GBE1: variants seen among roughly 807,000 people sequenced by gnomAD.
GBE1 encodes 1,4-alpha-glucan-branching enzyme.
GBE1 carries 70 observed loss-of-function variants against 88.8 expected under a neutral mutation model. The ratio of observed to expected loss-of-function variants is 0.79; its 90% CI spans 0.65 to 0.96. GBE1 has a LOEUF of 0.96. Among genes scored for constraint, GBE1 ranks in the 40% least tolerant of loss-of-function variants. GBE1 has a pLI of 0.00. For synonymous variants in GBE1, 284 were observed against 300.1 expected, an observed-to-expected ratio of 0.95 and a Z score of 0.56; for missense variants, 872 against 871.0, an observed-to-expected ratio of 1.00 and a Z score of -0.01.
At chr3:81,554,909 T>C (rs1415700979) in intron 12 of GBE1, among the ~76,000 whole-genome samples, 1 of 152,176 alleles carries the variant, frequency 6.6e-6, no homozygotes, top group Admixed American at 6.6e-5. Context: ...TCAAAGAGCC[T>C]GTATTGGTTT....
intron 15 of GBE1, among the ~76,000 whole-genome samples, 184 bp downstream of exon 15, chr3:81,498,926 T>G (rs558714029): frequency 2.6e-5 from 4 of 152,246 alleles, no homozygotes; most frequent in African/African-American, 9.6e-5. Flanking sequence ...TACTATTAGT[T>G]TTTCCAAAAC....
intron 12 of GBE1, among the ~76,000 whole-genome samples, chr3:81,577,261 A>C (rs1210106410): frequency 6.6e-6 from 1 of 152,120 alleles, no homozygotes; most frequent in Non-Finnish European, 1.5e-5. Context: ...TTGTAGAAAA[A>C]TAAAACAGCC....
chr3:81,551,030 T>A (rs1420286580), intron 12 of GBE1, among the ~76,000 whole-genome samples: 9 of 152,008 alleles, frequency 5.9e-5, no homozygotes, highest in Admixed American at 5.9e-4. Context: ...GGTAACAGAT[T>A]CACTGTTTTA....
chr3:81,539,708 G>A (rs747580372), intron 12 of GBE1, among the ~76,000 whole-genome samples: 9 of 151,918 alleles, frequency 5.9e-5, no homozygotes, highest in Non-Finnish European at 8.8e-5. Context: ...AAGGAAAGTC[G>A]GAATGCAATT....
intron 1 of GBE1, among the ~76,000 whole-genome samples, chr3:81,716,614 T>C (rs1372742111): frequency 6.6e-6 from 1 of 152,204 alleles, no homozygotes; most frequent in Non-Finnish European, 1.5e-5. Flanking sequence ...TATTTATTTA[T>C]ACTACATTAT....
intron 7 of GBE1, chr3:81,612,554 T>C (rs1704197322): frequency 3.9e-6 from 3 of 774,118 alleles, no homozygotes; most frequent in Admixed American, 1.8e-5. Context: ...TGGTGGATGG[T>C]TGAGAAATGT....
intron 2 of GBE1, among the ~76,000 whole-genome samples, chr3:81,698,044 TTA>T (rs1311536336): frequency 6.8e-6 from 1 of 147,648 alleles, no homozygotes; most frequent in Non-Finnish European, 1.5e-5. Context: ...TATATATATA[TTA>T]GTTTTATATA....
At chr3:81,583,970 T>A (rs984435922) in intron 10 of GBE1, among the ~76,000 whole-genome samples, 1 of 152,042 alleles carries the variant, frequency 6.6e-6, no homozygotes. Context: ...TCTACAATTA[T>A]CCTAATATCT....
chr3:81,707,183 C>A (rs918282749), intron 1 of GBE1, among the ~76,000 whole-genome samples: 6 of 151,970 alleles, frequency 3.9e-5, no homozygotes, highest in Admixed American at 2.0e-4. Flanking sequence ...CCAATTTAAG[C>A]AACTGAAATT....
intron 1 of GBE1, among the ~76,000 whole-genome samples, chr3:81,745,958 T>C (rs1706414671): frequency 6.6e-6 from 1 of 152,138 alleles, no homozygotes; most frequent in African/African-American, 2.4e-5. Flanking sequence ...AAAGAAAATA[T>C]TAATATTGGA....
chr3:81,686,641 A>T (rs1054602937), intron 2 of GBE1, among the ~76,000 whole-genome samples: 3 of 152,024 alleles, frequency 2.0e-5, no homozygotes, highest in Non-Finnish European at 2.9e-5. Flanking sequence ...CTGTAATCCC[A>T]GCTCTCTGGA....
intron 12 of GBE1, among the ~76,000 whole-genome samples, chr3:81,551,732 T>G (rs1273231740): frequency 1.3e-5 from 2 of 152,198 alleles, no homozygotes; most frequent in Non-Finnish European, 2.9e-5. Flanking sequence ...GCTGGACACA[T>G]GTCATCAGGA....
At chr3:81,671,724 A>G (rs374924662) in intron 2 of GBE1, among the ~76,000 whole-genome samples, 8 of 152,248 alleles carry the variant, frequency 5.3e-5, no homozygotes, top group African/African-American at 1.9e-4. Flanking sequence ...AGAAGAAAAT[A>G]CAGAGAAATA....
chr3:81,555,545 G>A (rs1703335439), intron 12 of GBE1, among the ~76,000 whole-genome samples: 2 of 152,136 alleles, frequency 1.3e-5, no homozygotes, highest in South Asian at 2.1e-4. Flanking sequence ...ATGCCATCTG[G>A]AGGTGCTCAT....
intron 14 of GBE1, among the ~76,000 whole-genome samples, chr3:81,530,461 C>T (rs1400489802): frequency 1.3e-5 from 2 of 152,000 alleles, no homozygotes. Context: ...CTTGTTTATA[C>T]TGATCCTTGG....
At chr3:81,564,741 C>G (rs1236576221) in intron 12 of GBE1, among the ~76,000 whole-genome samples, 5 of 152,062 alleles carry the variant, frequency 3.3e-5, no homozygotes, top group Admixed American at 6.6e-5. Context: ...ATTTAAGTCA[C>G]CTGGGAAAGA....
chr3:81,692,425 TGAATAAG>T (rs1463304436), intron 2 of GBE1, among the ~76,000 whole-genome samples: 1 of 152,198 alleles, frequency 6.6e-6, no homozygotes, highest in Non-Finnish European at 1.5e-5. Flanking sequence ...GGCAGTATTA[TGAATAAG>T]GACCTACCCC....
chr3:81,749,955 T>A (rs1206795178), intron 1 of GBE1, among the ~76,000 whole-genome samples: 3 of 152,346 alleles, frequency 2.0e-5, no homozygotes. Context: ...TATGTTGTAT[T>A]TGTGAGTAGA....
At chr3:81,618,607 T>C (rs1317495528) in intron 7 of GBE1, among the ~76,000 whole-genome samples, 1 of 152,144 alleles carries the variant, frequency 6.6e-6, no homozygotes, top group East Asian at 1.9e-4. Flanking sequence ...AATCAGGAAC[T>C]GTTTCCTCAC....
Sources: gnomAD v4.1 joint callset for allele counts (sites outside exome capture counted in the v4.1 genomes callset) on GRCh38, gnomAD v4.1.1 for gene constraint, MANE v1.5 for transcripts, NCBI Gene and HGNC (gene_info 2026-07-23, HGNC 2026-07-21) for gene names.